MAP4: variants seen among roughly 807,000 people sequenced by gnomAD.
The protein encoded by MAP4 is microtubule-associated protein 4.
Under a neutral mutation model 170.2 loss-of-function variants are expected in MAP4, and 76 were observed. The observed-to-expected ratio is 0.45, with a 90% CI of 0.37 to 0.54. The LOEUF (loss-of-function observed/expected upper bound fraction) is 0.54. MAP4 is among the 20% of genes least tolerant of loss of function. The probability of loss-of-function intolerance (pLI) is 0.00; values close to 1 mark genes in which losing one functional copy is unlikely to be tolerated. For missense variants in MAP4, 2,506 were observed against 2,748.0 expected (o/e 0.91, Z 1.97); for synonymous variants, 909 against 994.5 (o/e 0.91, Z 1.62).
intron 1 of MAP4, among the ~76,000 whole-genome samples, chr3:48,006,359 T>C (rs2100102317): frequency 6.6e-6 from 1 of 152,220 alleles, no homozygotes; most frequent in African/African-American, 2.4e-5. Flanking sequence ...GGGCTGATGA[T>C]GACTCCAGGG....
At chr3:48,067,814 A>G (rs948807824) in intron 1 of MAP4, among the ~76,000 whole-genome samples, 1 of 151,894 alleles carries the variant, frequency 6.6e-6, no homozygotes, top group African/African-American at 2.4e-5. Flanking sequence ...TGATTTCTGT[A>G]TTTTTAGTAG....
chr3:48,025,494 G>A (rs2100112580), intron 1 of MAP4, among the ~76,000 whole-genome samples: 2 of 151,550 alleles, frequency 1.3e-5, no homozygotes, highest in African/African-American at 4.8e-5. Flanking sequence ...TCACCACACC[G>A]GGCAGGCTGA....
chr3:47,944,855 G>A (rs1356534213), intron 3 of MAP4, among the ~76,000 whole-genome samples: 1 of 150,400 alleles, frequency 6.6e-6, no homozygotes, highest in African/African-American at 2.4e-5. Context: ...TTAATTATGA[G>A]ATAACTGGTG....
intron 1 of MAP4, among the ~76,000 whole-genome samples, chr3:48,053,733 A>G (rs2100129141): frequency 6.6e-6 from 1 of 152,128 alleles, no homozygotes. Context: ...AGTAACACAT[A>G]TTGATGATCT....
intron 1 of MAP4, among the ~76,000 whole-genome samples, chr3:48,000,783 T>A (rs566643291): frequency 6.6e-6 from 1 of 152,206 alleles, no homozygotes. Context: ...AAATATACTA[T>A]GATTCAAGCC....
chr3:47,911,684 C>T lies in MAP4; in HGVS notation c.2737G>A (p.Val913Ile), dbSNP rs1480720656. 6.5e-7 allele frequency: 1 copy of T among 1,536,084 alleles called. No individual in the cohort carries two copies. Among genetic ancestry groups the T allele is most frequent in the South Asian group, 1.2e-5 (1 of 84,062 alleles). ...GGGCCTACTGACTGGCTTTTATCTA[C>T]AGGAGTCTTCAGGTGGGGTGCAGGC... ...PQPAPHLKTP[V>I]DKSQSVGPLN... Residue 913 changes from valine to isoleucine, a missense_variant, in exon 9 of 21, where the codon GTA becomes ATA. Around this residue, in one of 3 missense-constraint regions of MAP4, gnomAD observed 2,008 missense variants for 2,206.0 expected, o/e 0.91. Transcript: ENST00000683076. The surrounding 1 kb of genome is among the most constrained non-coding windows in gnomAD (Gnocchi z 4.0).
At chr3:47,867,405 G>T (rs1299172144) in intron 16 of MAP4, 67 bp from the exon 17 acceptor site, 3 of 1,025,484 alleles carry the variant, frequency 2.9e-6, no homozygotes, top group East Asian at 2.4e-5. Context: ...ACACAGGGAA[G>T]GCAGTGAGTC....
Position 47,914,844 on chromosome 3 carries a change from G to A in MAP4, c.1972C>T (p.Pro658Ser), listed in dbSNP as rs764278904. 1 of 1,614,154 alleles carries A rather than the reference G, an allele frequency of 6.2e-7. No homozygotes were observed. The highest frequency in any genetic ancestry group is 1.1e-5 in the South Asian group (1 of 91,092). Residue 658 changes from proline to serine, a missense_variant, in exon 8 of 21, where the codon CCT becomes TCT. By Grantham distance (74) the Pro-to-Ser change is moderately conservative. Around this residue, in one of 3 missense-constraint regions of MAP4, gnomAD observed 2,008 missense variants for 2,206.0 expected, o/e 0.91. Coordinates refer to ENST00000683076, the MANE Select transcript of MAP4 (RefSeq NM_001385682.1). ...LGERKPCNSQ[P>S]SELSSETSAN... ...GAGGTCTCTGAAGAAAGCTCAGAAG[G>A]TTGACTGTTGCATGGTTTCCTTTCC...
upstream of MAP4, among the ~76,000 whole-genome samples, chr3:48,018,938 T>C (rs2100109206): frequency 6.6e-6 from 1 of 152,232 alleles, no homozygotes. Context: ...CAGCTCTCCA[T>C]GCTGGTCATC....
chr3:48,074,677 TG>T (rs375933678), intron 1 of MAP4, among the ~76,000 whole-genome samples: 1,716 of 9,802 alleles, frequency 0.18, 94 homozygotes, highest in East Asian at 0.26. Context: ...TCCAGCTAAT[TG>T]TGTGTGTGTG....
At chr3:47,953,635 T>C (rs775938765) in intron 3 of MAP4, among the ~76,000 whole-genome samples, 3 of 152,068 alleles carry the variant, frequency 2.0e-5, no homozygotes, top group Non-Finnish European at 4.4e-5. Context: ...CTTAGGGAGA[T>C]AGAAATGTTG....
intron 1 of MAP4, among the ~76,000 whole-genome samples, chr3:48,003,365 A>T: frequency 6.6e-6 from 1 of 151,332 alleles, no homozygotes; most frequent in Admixed American, 6.6e-5. Context: ...GAGGCAGGAG[A>T]ATCGCTTGAA....
At chr3:47,967,894 C>T (rs947675814) in intron 3 of MAP4, among the ~76,000 whole-genome samples, 1 of 151,702 alleles carries the variant, frequency 6.6e-6, no homozygotes, top group Non-Finnish European at 1.5e-5. Context: ...ACCCAGAGTT[C>T]CAGGCTGCTA....
chr3:47,915,985 C>A lies in MAP4; in HGVS notation c.1842G>T (p.Gly614=). ...TCATGAAAGTAGGTGCAGCTGACTGCCCCACATCCTGCAGAGATTCTAAAT... is the reference window on the plus strand; with the variant it reads ...TCATGAAAGTAGGTGCAGCTGACTGACCCACATCCTGCAGAGATTCTAAAT... ...DSHLESLQDV[G]QSAAPTFMIS... The change falls in exon 7 of 21, where the codon GGG becomes GGT. Residue 614 remains glycine, a synonymous_variant. Coordinates refer to ENST00000683076, the MANE Select transcript of MAP4 (RefSeq NM_001385682.1). 2 of 1,613,650 alleles carry A rather than the reference C, an allele frequency of 1.2e-6. No individual in the cohort carries two copies. Among genetic ancestry groups the A allele is most frequent in the African/African-American group, 1.3e-5 (1 of 75,044 alleles).
At chr3:47,991,530 C>T (rs562912971) in intron 2 of MAP4, among the ~76,000 whole-genome samples, 5 of 152,122 alleles carry the variant, frequency 3.3e-5, no homozygotes, top group Admixed American at 6.5e-5. Context: ...AAGCAAGGCA[C>T]GCGCACCTGT....
chr3:48,063,123 A>G (rs2100136725), intron 1 of MAP4, among the ~76,000 whole-genome samples: 1 of 151,970 alleles, frequency 6.6e-6, no homozygotes, highest in African/African-American at 2.4e-5. Flanking sequence ...ATTATTAATA[A>G]GAAAAAAAGA....
chr3:48,001,135 A>G (rs1384853534), intron 1 of MAP4, among the ~76,000 whole-genome samples: 1 of 152,230 alleles, frequency 6.6e-6, no homozygotes, highest in African/African-American at 2.4e-5. Flanking sequence ...CCAAATAAGT[A>G]CAGACAGGAT....
intron 10 of MAP4, among the ~76,000 whole-genome samples, chr3:47,896,991 A>C (rs1460401548): frequency 6.6e-6 from 1 of 152,210 alleles, no homozygotes; most frequent in Non-Finnish European, 1.5e-5. Context: ...TCCAGAGAAA[A>C]AAAGTGGTTT....
At chr3:47,865,177 A>AG (rs1467847095) in intron 17 of MAP4, among the ~76,000 whole-genome samples, 1 of 152,190 alleles carries the variant, frequency 6.6e-6, no homozygotes, top group Non-Finnish European at 1.5e-5. Context: ...GGCAGTGTGG[A>AG]AAGATCACAG....
Sources: gnomAD v4.1 joint callset for allele counts (sites outside exome capture counted in the v4.1 genomes callset) on GRCh38, gnomAD v4.1.1 for gene constraint, gnomAD v4.1.1 regional missense constraint, Gnocchi (gnomAD v3.1) non-coding constraint, MANE v1.5 for transcripts, NCBI Gene and HGNC (gene_info 2026-07-23, HGNC 2026-07-21) for gene names.